The following SLC28A2 variants were observed in gnomAD, a reference collection of about 807,000 sequenced individuals.
SLC28A2 encodes solute carrier family 28 member 2.
Under a neutral mutation model 72.9 loss-of-function variants are expected in SLC28A2, and 69 were observed. The ratio of observed to expected loss-of-function variants is 0.95; its 90% CI spans 0.78 to 1.16. The LOEUF (loss-of-function observed/expected upper bound fraction) is 1.16. Ranked by LOEUF, SLC28A2 falls within the 50% of genes most tolerant of loss-of-function variation. The pLI is 0.00. For synonymous variants in SLC28A2, 296 were observed against 294.1 expected (o/e 1.01, Z -0.07); for missense variants, 745 against 791.1 (o/e 0.94, Z 0.70).
At chr15:45,272,047 G>A in intron 15 of SLC28A2, 1 of 454,030 alleles carries the variant, frequency 2.2e-6, no homozygotes, top group Non-Finnish European at 3.9e-6. Flanking sequence ...TATGTTCACA[G>A]AACCATTAAA....
rs762075328 is a variant in SLC28A2, at chr15:45,268,243, C to A, written c.1233C>A (p.Asn411Lys). The A allele has an allele frequency of 6.7e-5, 108 of 1,609,030 alleles. No individual in the cohort carries two copies. The highest frequency in any genetic ancestry group is 9.2e-5 in the Non-Finnish European group (108 of 1,175,854). Residue 411 changes from asparagine (N) to lysine (K), a missense_variant, in exon 13 of 18, where the codon AAC (asparagine) becomes AAA (lysine). Transcript: ENST00000347644. ...GGAATGTCCTGGAAGCTGCCAGCAA[C>A]GGAGCCGTAGATGCCATAGGCCTTG... is the stretch of plus-strand genomic sequence containing the variant. ...KERNVLEAAS[N>K]GAVDAIGLAT...
At chr15:45,253,682 T>TA (rs201196971) in intron 3 of SLC28A2, 162 bp downstream of exon 3, 10,366 of 470,778 alleles carry the variant, frequency 0.022, no homozygotes, top group Middle Eastern at 0.029. Flanking sequence ...ATAAACTCCA[T>TA]AAAAAAAAAG....
chr15:45,260,551 G>C (rs1262893927), intron 3 of SLC28A2, among the ~76,000 whole-genome samples: 1 of 152,156 alleles, frequency 6.6e-6, no homozygotes, highest in African/African-American at 2.4e-5. Flanking sequence ...GAGCCCAGGA[G>C]TTTGAGACCA....
intron 4 of SLC28A2, among the ~76,000 whole-genome samples, chr15:45,262,570 G>A (rs192105962): frequency 6.6e-6 from 1 of 152,322 alleles, no homozygotes; most frequent in East Asian, 1.9e-4. Context: ...ACCTGGGATG[G>A]TGGGAGCAAA....
Position 45,269,510 on chromosome 15 carries a change from T to C in SLC28A2, c.1541T>C (p.Ile514Thr), listed in dbSNP as rs776048420. ...NKRLSGMEEW[I>T]EGEKQWISVR... The stretch of plus-strand genomic sequence containing the variant: ...CGTCTCTCTGGAATGGAGGAGTGGA[T>C]TGAGGGAGAGAAACAGTGGATTTCT... Residue 514 changes from isoleucine (I) to threonine (T), a missense_variant, in exon 14 of 18, where the codon ATT (isoleucine) becomes ACT (threonine). Coordinates refer to ENST00000347644, the MANE Select transcript of SLC28A2 (RefSeq NM_004212.4). The C allele has an allele frequency of 1.2e-6, 2 of 1,613,850 alleles. No homozygotes were observed. The highest frequency in any genetic ancestry group is 1.7e-6 in the Non-Finnish European group (2 of 1,179,838).
intron 3 of SLC28A2, among the ~76,000 whole-genome samples, chr15:45,260,046 T>G (rs1223376710): frequency 6.6e-6 from 1 of 152,108 alleles, no homozygotes; most frequent in Non-Finnish European, 1.5e-5. Flanking sequence ...ATAGGAGAAT[T>G]TATTTACAAA....
Position 45,269,365 on chromosome 15 carries a change from A to G in SLC28A2, c.1396A>G (p.Met466Val), listed in dbSNP as rs778044363. The G allele has an allele frequency of 1.2e-6, 2 of 1,613,860 alleles. No homozygotes were observed. The highest frequency in any genetic ancestry group is 1.1e-5 in the South Asian group (1 of 91,064). ...QVICSYLLRPMVFMMGVEWTD... is the reference protein window; with the variant it reads ...QVICSYLLRPVVFMMGVEWTD... Reference sequence around the variant, plus strand: ...CATCTGCTCCTATCTCCTAAGGCCCATGGTTTTCATGATGGGTGTAGAGTG... The same window carrying G: ...CATCTGCTCCTATCTCCTAAGGCCCGTGGTTTTCATGATGGGTGTAGAGTG... Residue 466 changes from methionine to valine, a missense_variant, in exon 14 of 18, where the codon ATG (methionine) becomes GTG (valine). Coordinates refer to ENST00000347644, the MANE Select transcript of SLC28A2 (RefSeq NM_004212.4).
At chr15:45,264,290 A>G (rs1333787126) in intron 6 of SLC28A2, among the ~76,000 whole-genome samples, 1 of 152,250 alleles carries the variant, frequency 6.6e-6, no homozygotes, top group African/African-American at 2.4e-5. Flanking sequence ...TTAAAGAAAG[A>G]ACAAAAGAAA....
intron 3 of SLC28A2, chr15:45,255,106 T>G (rs1213409364): frequency 6.6e-6 from 1 of 152,050 alleles, no homozygotes. Context: ...TTTTTAAAAA[T>G]TAGCAGGGCA....
chr15:45,272,312 CG>C lies in SLC28A2; in HGVS notation c.1668del (p.Lys557ArgfsTer67). ...LGGLTSIVPH[R>X]KSDLSKVVVR... ...GTCTGCAGCATCAATAGTACCTCAC[CG>C]GAAGAGTGACTTGTCCAAGGTTGTG... is the stretch of plus-strand genomic sequence containing the variant. On this transcript the variant is annotated frameshift_variant, in exon 16 of 18. Transcript: ENST00000347644. LOFTEE classifies it high-confidence loss of function. 1.2e-6 allele frequency: 2 copies of C among 1,613,706 alleles called. No individual in the cohort carries two copies. The highest frequency in any genetic ancestry group is 1.1e-5 in the South Asian group (1 of 91,082).
rs372450135 is a variant in SLC28A2, at chr15:45,269,448, T to A, written c.1479T>A (p.Phe493Leu). The change falls in exon 14 of 18, where the codon TTT (phenylalanine) becomes TTA (leucine). Residue 493 changes from phenylalanine to leucine, a missense_variant. Physicochemically the swap from Phe to Leu is conservative, Grantham distance 22. Coordinates refer to ENST00000347644, the MANE Select transcript of SLC28A2 (RefSeq NM_004212.4). ...MVGIKFFINE[F>L]VAYQQLSQYK... ...GAATCAAGTTCTTCATAAATGAGTTTGTGGCTTATCAGCAACTGTCTCAAT... is the reference window on the plus strand; with the variant it reads ...GAATCAAGTTCTTCATAAATGAGTTAGTGGCTTATCAGCAACTGTCTCAAT... 4.3e-6 allele frequency: 7 copies of A among 1,614,064 alleles called. No individual in the cohort carries two copies. The highest frequency in any genetic ancestry group is 5.9e-6 in the Non-Finnish European group (7 of 1,180,000).
In SLC28A2 at chr15:45,272,333, G is replaced by C; in HGVS notation, c.1687G>C (p.Val563Leu). Residue 563 changes from valine (V) to leucine (L), a missense_variant, in exon 16 of 18, where the codon GTT becomes CTT. Physicochemically the swap from Val to Leu is conservative, Grantham distance 32 (BLOSUM62 1). Transcript: ENST00000347644. ...VPHRKSDLSK[V>L]VVRALFTGAC... ...TCACCGGAAGAGTGACTTGTCCAAG[G>C]TTGTGGTCAGGGCCCTCTTCACAGG... is the stretch of plus-strand genomic sequence containing the variant. 6.2e-7 allele frequency: 1 copy of C among 1,613,982 alleles called. No individual in the cohort carries two copies. Among genetic ancestry groups the C allele is most frequent in the East Asian group, 2.2e-5 (1 of 44,872 alleles).
intron 15 of SLC28A2, chr15:45,271,697 G>T (rs1900578017): frequency 6.6e-6 from 1 of 152,100 alleles, no homozygotes. Context: ...CTGGGGTAGA[G>T]TCATTTAATT....
chr15:45,261,628 G>A (rs1465813603), intron 3 of SLC28A2, among the ~76,000 whole-genome samples: 1 of 152,126 alleles, frequency 6.6e-6, no homozygotes, highest in Non-Finnish European at 1.5e-5. Flanking sequence ...GGTTTGTTTG[G>A]TTTTTAGGGA....
intron 3 of SLC28A2, among the ~76,000 whole-genome samples, chr15:45,260,145 A>G (rs1900107965): frequency 1.3e-5 from 2 of 152,206 alleles, no homozygotes; most frequent in Non-Finnish European, 2.9e-5. Flanking sequence ...GTGAACAGTT[A>G]CTATTCGTAG....
At chr15:45,270,156 G>A in intron 14 of SLC28A2, 39 bp from the exon 15 acceptor site, 1 of 1,384,042 alleles carries the variant, frequency 7.2e-7, no homozygotes, top group Non-Finnish European at 1.0e-6. Flanking sequence ...GCACGCATGG[G>A]ACTGAATTTA....
In SLC28A2 at chr15:45,265,619, T is replaced by C; in HGVS notation, c.817T>C (p.Ser273Pro). Residue 273 changes from serine (S) to proline (P), a missense_variant, in exon 9 of 18, where the codon TCC becomes CCC. Coordinates refer to ENST00000347644, the MANE Select transcript of SLC28A2 (RefSeq NM_004212.4). The part of the protein sequence containing the change: ...PIIIFFGCVV[S>P]ILYYLGLVQW... ...CATCATTTTCTTTGGATGTGTGGTG[T>C]CCATTCTCTACTACCTGGGCCTTGT... 1 of 1,613,900 alleles carries C rather than the reference T, an allele frequency of 6.2e-7. No individual in the cohort carries two copies.
At chr15:45,272,166 G>A (rs1446254860) in intron 15 of SLC28A2, 129 bp from the exon 16 acceptor site, 1 of 678,490 alleles carries the variant, frequency 1.5e-6, no homozygotes, top group African/African-American at 1.8e-5. Flanking sequence ...GTCTCAGGTG[G>A]ATGGTAATAA....
chr15:45,272,190 C>T (rs1055795531), intron 15 of SLC28A2, 105 bp from the exon 16 acceptor site: 3 of 817,276 alleles, frequency 3.7e-6, no homozygotes, highest in African/African-American at 3.4e-5. Flanking sequence ...TGCTCTTCAT[C>T]GGCTGTGTTT....
Sources: gnomAD v4.1 joint callset for allele counts (sites outside exome capture counted in the v4.1 genomes callset) on GRCh38, gnomAD v4.1.1 for gene constraint, MANE v1.5 for transcripts, NCBI Gene and HGNC (gene_info 2026-07-23, HGNC 2026-07-21) for gene names.